NSMCE2: variants seen among roughly 807,000 people sequenced by gnomAD.
NSMCE2 encodes the protein E3 SUMO-protein ligase NSE2.
In NSMCE2, 24 loss-of-function variants were observed where a neutral mutation model predicts 23.8. The ratio of observed to expected loss-of-function variants is 1.01; its 90% CI spans 0.73 to 1.42. NSMCE2 has a LOEUF of 1.42. Ranked by LOEUF, NSMCE2 falls within the 40% of genes most tolerant of loss-of-function variation. NSMCE2 has a pLI of 0.00. For synonymous variants in NSMCE2, 92 were observed against 94.1 expected, an observed-to-expected ratio of 0.98 and a Z score of 0.13; for missense variants, 284 against 296.5, an observed-to-expected ratio of 0.96 and a Z score of 0.31.
chr8:125,124,318 A>G (rs1424329619), intron 3 of NSMCE2: 2 of 152,190 alleles, frequency 1.3e-5, no homozygotes, highest in African/African-American at 4.8e-5. Context: ...TTATAAATGG[A>G]ATTGTTTTCC....
chr8:125,274,999 GATAATAATAATAATAATAATA>G (rs72261443), intron 5 of NSMCE2, among the ~76,000 whole-genome samples: 9 of 142,416 alleles, frequency 6.3e-5, no homozygotes, highest in African/African-American at 2.1e-4. Context: ...ATCTGAAGAT[GATAATAATAATAATAATAATA>G]ATAATAATAA....
intron 1 of NSMCE2, among the ~76,000 whole-genome samples, chr8:125,098,835 T>C (rs536780517): frequency 9.2e-5 from 14 of 152,152 alleles, no homozygotes; most frequent in African/African-American, 2.9e-4. Context: ...GGGCCTTCCA[T>C]GTTGGACGTT....
chr8:125,161,148 T>C (rs566887977), intron 4 of NSMCE2, among the ~76,000 whole-genome samples: 59 of 152,350 alleles, frequency 3.9e-4, no homozygotes, highest in African/African-American at 1.3e-3. Flanking sequence ...TGAACTGTCC[T>C]TGGGAGAATG....
chr8:125,323,355 G>GA (rs907730671), intron 5 of NSMCE2, among the ~76,000 whole-genome samples: 8 of 151,484 alleles, frequency 5.3e-5, no homozygotes, highest in East Asian at 1.9e-4. Flanking sequence ...AATAACTTTG[G>GA]AAAAAAAAGG....
rs374934126 is a variant in NSMCE2 at position 125,272,755 on chromosome 8, GTATATA to G, written c.419-84457_419-84452del. 6.5e-4 allele frequency among the ~76,000 whole-genome samples: 81 copies of G among 123,948 alleles called. No individual in the cohort carries two copies. In the East Asian group the frequency reaches 0.017, roughly 26 times the overall value. The allele number at this position is 123,948 out of a possible 152,430, so 81.3% of individuals were successfully genotyped here. On this transcript the variant is annotated intron_variant, in intron 5 of 7. Coordinates refer to ENST00000287437, the MANE Select transcript of NSMCE2 (RefSeq NM_173685.4). ...CACACACACACATATATATACACAC[GTATATA>G]TATATACACACACACGTATATATAT...
At chr8:125,106,778 C>T (rs1818479922) in intron 3 of NSMCE2, among the ~76,000 whole-genome samples, 2 of 151,702 alleles carry the variant, frequency 1.3e-5, no homozygotes, top group Admixed American at 6.6e-5. Flanking sequence ...GGAGGATCAC[C>T]TGAGTTCAGG....
intron 3 of NSMCE2, among the ~76,000 whole-genome samples, chr8:125,112,099 C>T (rs943318971): frequency 2.6e-5 from 4 of 152,104 alleles, no homozygotes; most frequent in African/African-American, 4.8e-5. Flanking sequence ...ATAACAATAA[C>T]CCTAAGAAGC....
At chr8:125,304,684 C>G (rs1439115676) in intron 5 of NSMCE2, among the ~76,000 whole-genome samples, 2 of 151,806 alleles carry the variant, frequency 1.3e-5, no homozygotes, top group Admixed American at 1.3e-4. Context: ...TGGTGAAACC[C>G]CATCTCTACT....
intron 5 of NSMCE2, among the ~76,000 whole-genome samples, chr8:125,238,867 CTG>C (rs543819794): frequency 3.2e-4 from 49 of 152,294 alleles, no homozygotes; most frequent in Middle Eastern, 3.4e-3. Context: ...CAGTAAGACA[CTG>C]TGGGGTTATT....
intron 4 of NSMCE2, among the ~76,000 whole-genome samples, chr8:125,175,908 C>CT (rs1822464814): frequency 6.6e-6 from 1 of 152,198 alleles, no homozygotes; most frequent in African/African-American, 2.4e-5. Context: ...GGACTGAGTT[C>CT]TGCTTTTTGT....
At chr8:125,097,012 A>G (rs1003660925) in intron 1 of NSMCE2, among the ~76,000 whole-genome samples, 1 of 151,976 alleles carries the variant, frequency 6.6e-6, no homozygotes, top group African/African-American at 2.4e-5. Context: ...TTCTGAATTT[A>G]TGTTTTTCCA....
In NSMCE2 at chr8:125,102,469, G is replaced by T; in HGVS notation, c.139G>T (p.Asp47Tyr). 2.5e-6 allele frequency: 4 copies of T among 1,613,866 alleles called. No homozygotes were observed. The highest frequency in any genetic ancestry group is 3.4e-6 in the Non-Finnish European group (4 of 1,179,844). Residue 47 changes from aspartate (D) to tyrosine (Y), a missense_variant, in exon 3 of 8, where the codon GAT becomes TAT. By Grantham distance (160) the Asp-to-Tyr change is radical. Transcript: ENST00000287437. ...GGACACAGCTTCTAGTGTTGCTTTG[G>T]ATCTTGTGGAAAGTCAGAGTAAGTA... The part of the protein sequence containing the change: ...GMDTASSVAL[D>Y]LVESQTEVSS...
chr8:125,175,032 T>C (rs992490699), intron 4 of NSMCE2, among the ~76,000 whole-genome samples: 12 of 152,190 alleles, frequency 7.9e-5, no homozygotes, highest in Non-Finnish European at 1.8e-4. Context: ...CTAGAAAATA[T>C]AGTGTGTCCA....
Position 125,156,340 on chromosome 8 carries a change from A to G in NSMCE2, c.264+5063A>G, listed in dbSNP as rs374325825. The stretch of plus-strand genomic sequence containing the variant: ...TTCTTTTGGTATGTGCTGCTTCTGG[A>G]TGTTAATTTATTGAAAAATCCAAGT... On this transcript the variant is annotated intron_variant, in intron 4 of 7. Transcript: ENST00000287437. 41 of 155,584 alleles carry G rather than the reference A, an allele frequency of 2.6e-4. No homozygotes were observed. In the South Asian group the frequency reaches 5.4e-3, roughly 20 times the overall value. 9.6% of individuals were successfully genotyped at this position (155,584 alleles called of 1,614,324 possible).
At chr8:125,283,358 G>A (rs939011538) in intron 5 of NSMCE2, among the ~76,000 whole-genome samples, 2 of 152,026 alleles carry the variant, frequency 1.3e-5, no homozygotes, top group African/African-American at 2.4e-5. Context: ...AACCACCATG[G>A]TCAACATGAC....
chr8:125,296,485 C>T (rs1256886640), intron 5 of NSMCE2, among the ~76,000 whole-genome samples: 1 of 148,558 alleles, frequency 6.7e-6, no homozygotes, highest in Non-Finnish European at 1.5e-5. Context: ...ACCTCCAACT[C>T]CCAGGTTCAA....
At chr8:125,240,293 T>A (rs1050776097) in intron 5 of NSMCE2, among the ~76,000 whole-genome samples, 2 of 151,962 alleles carry the variant, frequency 1.3e-5, no homozygotes, top group Admixed American at 1.3e-4. Context: ...CCTGGCTAAT[T>A]TTTGTGTTTT....
At chr8:125,276,530 A>G (rs1827455624) in intron 5 of NSMCE2, among the ~76,000 whole-genome samples, 1 of 152,222 alleles carries the variant, frequency 6.6e-6, no homozygotes, top group Non-Finnish European at 1.5e-5. Context: ...TAATAATGGA[A>G]TAGCCTCATT....
intron 3 of NSMCE2, among the ~76,000 whole-genome samples, chr8:125,113,166 C>G (rs1389612289): frequency 6.6e-6 from 1 of 151,618 alleles, no homozygotes; most frequent in African/African-American, 2.4e-5. Flanking sequence ...TTTATTCATT[C>G]ATTTTAGTGT....
Sources: allele counts gnomAD v4.1 joint callset (sites outside exome capture counted in the v4.1 genomes callset), GRCh38; gene constraint gnomAD v4.1.1; transcripts MANE v1.5; gene names NCBI Gene and HGNC (gene_info 2026-07-23, HGNC 2026-07-21).